The following KLHL1 variants were observed in gnomAD, a reference collection of about 807,000 sequenced individuals.
KLHL1 encodes the protein kelch like family member 1, also known as kelch-like protein 1.
A neutral mutation model predicts 77.7 loss-of-function variants in KLHL1; 47 were observed. The observed-to-expected ratio is 0.60, with a 90% confidence interval of 0.48 to 0.77. The LOEUF is 0.77. Ranked by LOEUF, KLHL1 falls within the 30% of genes least tolerant of loss-of-function variation. The pLI is 0.00. For missense variants in KLHL1, 925 were observed against 910.8 expected (o/e 1.02, Z -0.20); for synonymous variants, 360 against 325.2 (o/e 1.11, Z -1.15).
intron 1 of KLHL1, among the ~76,000 whole-genome samples, chr13:69,983,881 T>C (rs1329815770): frequency 1.4e-5 from 2 of 146,226 alleles, no homozygotes; most frequent in Non-Finnish European, 3.0e-5. Context: ...AACCAATAAA[T>C]AAATCTATGC....
chr13:69,857,555 T>C (rs371395133), intron 5 of KLHL1, among the ~76,000 whole-genome samples: 89 of 152,206 alleles, frequency 5.8e-4, no homozygotes, highest in African/African-American at 2.0e-3. Context: ...CAAGAATATG[T>C]ATTTCCCTAG....
chr13:69,788,880 TTAGTTA>T (rs1177123117), intron 7 of KLHL1, among the ~76,000 whole-genome samples: 1 of 152,160 alleles, frequency 6.6e-6, no homozygotes. Flanking sequence ...TTCTGATTTA[TTAGTTA>T]TAAACTCTAT....
intron 10 of KLHL1, among the ~76,000 whole-genome samples, chr13:69,704,394 T>A (rs548640352): frequency 6.6e-6 from 1 of 151,840 alleles, no homozygotes; most frequent in Admixed American, 6.6e-5. Context: ...TCAGGTTACA[T>A]AATGTAAACC....
chr13:69,845,335 C>T (rs3012096), intron 5 of KLHL1, among the ~76,000 whole-genome samples: 135,274 of 151,524 alleles, frequency 0.89, 61,412 homozygotes, highest in East Asian at 0.99. Flanking sequence ...CCAATAATAG[C>T]TACAAATAAA....
At chr13:70,004,731 T>C (rs187170610) in intron 1 of KLHL1, among the ~76,000 whole-genome samples, 2 of 152,034 alleles carry the variant, frequency 1.3e-5, no homozygotes, top group Non-Finnish European at 2.9e-5. Context: ...GTTTTTACAT[T>C]TTTATTACAC....
chr13:69,857,545 C>A (rs1180335611), intron 5 of KLHL1, among the ~76,000 whole-genome samples: 2 of 152,096 alleles, frequency 1.3e-5, no homozygotes, highest in Non-Finnish European at 2.9e-5. Context: ...AAAATACTCA[C>A]AAGAATATGT....
intron 1 of KLHL1, among the ~76,000 whole-genome samples, chr13:70,025,687 T>C (rs535423144): frequency 2.5e-4 from 37 of 150,858 alleles, no homozygotes; most frequent in Non-Finnish European, 8.9e-5. Context: ...TTTTACTATA[T>C]ATATTATATA....
chr13:69,963,422 T>A (rs1476471081), intron 2 of KLHL1, among the ~76,000 whole-genome samples: 1 of 152,190 alleles, frequency 6.6e-6, no homozygotes, highest in Non-Finnish European at 1.5e-5. Flanking sequence ...TTTAAAGTGG[T>A]TACTCTACGG....
Position 70,068,855 on chromosome 13 carries a change from C to T in KLHL1, c.497+38348G>A, listed in dbSNP as rs532210558. ...AAATGTCTTAGGGGCTCAGTCTCGT[C>T]GTGGGGGAGGAGGCACACTTTCCTG... On this transcript the variant is annotated intron_variant, in intron 1 of 10. Transcript: ENST00000377844. 7.6e-4 allele frequency among the ~76,000 whole-genome samples: 115 copies of T among 152,132 alleles called. 1 individual carries two copies. Among genetic ancestry groups the T allele is most frequent in the African/African-American group, 2.7e-3 (112 of 41,502 alleles).
chr13:69,973,722 C>A (rs994791925), intron 2 of KLHL1, among the ~76,000 whole-genome samples: 1 of 152,044 alleles, frequency 6.6e-6, no homozygotes, highest in African/African-American at 2.4e-5. Flanking sequence ...AATGCTTGTT[C>A]AAGCGTCACA....
intron 1 of KLHL1, among the ~76,000 whole-genome samples, chr13:69,976,533 C>T (rs941574383): frequency 2.0e-5 from 3 of 152,028 alleles, no homozygotes; most frequent in Non-Finnish European, 4.4e-5. Flanking sequence ...ATAGGGAAGA[C>T]TGTTAATATT....
chr13:69,748,877 T>A (rs1253804361), intron 7 of KLHL1, among the ~76,000 whole-genome samples: 1 of 152,014 alleles, frequency 6.6e-6, no homozygotes, highest in African/African-American at 2.4e-5. Context: ...CTCTCAAAAC[T>A]TAAATTCCTC....
At chr13:69,701,912 G>GA in intron 10 of KLHL1, 151 bp from the exon 11 acceptor site, 1 of 502,206 alleles carries the variant, frequency 2.0e-6, no homozygotes, top group Non-Finnish European at 3.4e-6. Context: ...TGAAAACACT[G>GA]AAAATGGCAT....
chr13:70,104,153 A>T (rs1887991060), intron 1 of KLHL1, among the ~76,000 whole-genome samples: 1 of 152,192 alleles, frequency 6.6e-6, no homozygotes, highest in South Asian at 2.1e-4. Flanking sequence ...TGGTTATCTG[A>T]ATATCCAGGA....
At chr13:69,985,219 A>G (rs1232851849) in intron 1 of KLHL1, among the ~76,000 whole-genome samples, 1 of 152,108 alleles carries the variant, frequency 6.6e-6, no homozygotes, top group Non-Finnish European at 1.5e-5. Context: ...TTTGCAAACT[A>G]TGCATCTGAC....
intron 7 of KLHL1, among the ~76,000 whole-genome samples, chr13:69,786,550 G>C (rs7334579): frequency 5.9e-5 from 9 of 151,936 alleles, no homozygotes; most frequent in Non-Finnish European, 1.3e-4. Flanking sequence ...AGCCAATATC[G>C]TACTGAATGG....
At chr13:69,854,496 C>T (rs1879812738) in intron 5 of KLHL1, among the ~76,000 whole-genome samples, 1 of 151,986 alleles carries the variant, frequency 6.6e-6, no homozygotes, top group Admixed American at 6.6e-5. Context: ...CATTGGTTAC[C>T]ATGAAGTTTG....
At chr13:69,817,678 C>T (rs1319082730) in intron 6 of KLHL1, among the ~76,000 whole-genome samples, 1 of 152,126 alleles carries the variant, frequency 6.6e-6, no homozygotes. Context: ...GAAATATATG[C>T]TAAACACACT....
Position 70,107,245 on chromosome 13 carries a change from G to A in KLHL1, c.455C>T (p.Pro152Leu). ...ACCTGTTGCCTGGCTAGAGTTGTCT[G>A]GCTCCACTTTGAGCTCTTGCAGAAC... Reference protein sequence around the residue: ...GLVLQELKVEPDNSSQATGEG... With the variant: ...GLVLQELKVELDNSSQATGEG... The change falls in exon 1 of 11, where the codon CCA (proline) becomes CTA (leucine). Residue 152 changes from proline (P) to leucine (L), a missense_variant. Pro to Leu is a moderately conservative substitution (Grantham distance 98, BLOSUM62 -3). Coordinates refer to ENST00000377844, the MANE Select transcript of KLHL1 (RefSeq NM_020866.3). The A allele has an allele frequency of 6.2e-7, 1 of 1,613,866 alleles. No homozygotes were observed. The highest frequency in any genetic ancestry group is 8.5e-7 in the Non-Finnish European group (1 of 1,179,890).
Sources: allele counts gnomAD v4.1 joint callset (sites outside exome capture counted in the v4.1 genomes callset), GRCh38; gene constraint gnomAD v4.1.1; transcripts MANE v1.5; gene names NCBI Gene and HGNC (gene_info 2026-07-23, HGNC 2026-07-21).